QTMAN: variants seen among roughly 807,000 people sequenced by gnomAD.
The protein encoded by QTMAN is queuosine-tRNA mannosyltransferase, also known as tRNA-queuosine alpha-mannosyltransferase.
chr2:144,187,461 A>T, the QTMAN span, among the ~76,000 whole-genome samples: 2 of 152,290 alleles, frequency 1.3e-5, no homozygotes, highest in South Asian at 4.1e-4. Flanking sequence ...TGAGCCATCC[A>T]GCCCCATGAC....
the QTMAN span, among the ~76,000 whole-genome samples, chr2:144,030,170 A>T: frequency 1.3e-5 from 2 of 152,188 alleles, no homozygotes; most frequent in South Asian, 4.1e-4. Context: ...AGGTGAAAGT[A>T]TTAATCTTAC....
the QTMAN span, among the ~76,000 whole-genome samples, chr2:143,996,081 G>GTAGGT: frequency 6.6e-6 from 1 of 152,068 alleles, no homozygotes; most frequent in East Asian, 1.9e-4. Context: ...ATCCACTAAG[G>GTAGGT]TAGGTTCACT....
the QTMAN span, among the ~76,000 whole-genome samples, chr2:144,286,749 G>C: frequency 6.6e-6 from 1 of 152,100 alleles, no homozygotes; most frequent in African/African-American, 2.4e-5. Flanking sequence ...AAATGTGGGG[G>C]ACAACTCCAC....
the QTMAN span, among the ~76,000 whole-genome samples, chr2:144,089,809 C>T: frequency 6.6e-6 from 1 of 151,654 alleles, no homozygotes; most frequent in Non-Finnish European, 1.5e-5. Flanking sequence ...AAGTGGGTTA[C>T]AGAGTACAAA....
chr2:144,213,580 G>C, the QTMAN span, among the ~76,000 whole-genome samples: 2 of 152,104 alleles, frequency 1.3e-5, no homozygotes, highest in Admixed American at 1.3e-4. Flanking sequence ...ACACCTTTCT[G>C]TTATTAGTTA....
chr2:144,000,991 T>G, the QTMAN span, among the ~76,000 whole-genome samples: 6 of 151,966 alleles, frequency 3.9e-5, no homozygotes, highest in Non-Finnish European at 8.8e-5. Context: ...AGTATTCTAT[T>G]ATAAGGTAAT....
chr2:143,946,503 A>G, the QTMAN span: 2 of 152,796 alleles, frequency 1.3e-5, no homozygotes, highest in African/African-American at 4.8e-5. Flanking sequence ...TGGCTGCCCA[A>G]TTAATCCCAA....
the QTMAN span, among the ~76,000 whole-genome samples, chr2:144,015,784 A>T: frequency 6.6e-6 from 1 of 152,178 alleles, no homozygotes; most frequent in African/African-American, 2.4e-5. Context: ...GGTTATGTTG[A>T]AGTGGTGAGA....
chr2:144,136,620 T>C, the QTMAN span, among the ~76,000 whole-genome samples: 1 of 152,066 alleles, frequency 6.6e-6, no homozygotes, highest in Non-Finnish European at 1.5e-5. Flanking sequence ...GACAATTACA[T>C]GACCTAAAGT....
the QTMAN span, among the ~76,000 whole-genome samples, chr2:144,138,030 T>C: frequency 6.6e-6 from 1 of 152,084 alleles, no homozygotes; most frequent in African/African-American, 2.4e-5. Flanking sequence ...CACTTCAATC[T>C]TGGGCTCTTC....
the QTMAN span, among the ~76,000 whole-genome samples, chr2:144,253,775 A>T: frequency 1.3e-5 from 2 of 151,982 alleles, no homozygotes; most frequent in African/African-American, 4.8e-5. Context: ...AAAAAAAAAC[A>T]TTTTCTAGGG....
the QTMAN span, among the ~76,000 whole-genome samples, chr2:144,156,171 T>C: frequency 6.6e-6 from 1 of 152,150 alleles, no homozygotes; most frequent in East Asian, 1.9e-4. Context: ...AGAAATTATG[T>C]CTGTGTTTTG....
the QTMAN span, among the ~76,000 whole-genome samples, chr2:144,221,130 A>G: frequency 6.6e-6 from 1 of 152,338 alleles, no homozygotes; most frequent in South Asian, 2.1e-4. Flanking sequence ...CATGTCTCCA[A>G]AATGTAGACT....
At chr2:143,949,275 TTC>T in the QTMAN span, among the ~76,000 whole-genome samples, 1 of 151,994 alleles carries the variant, frequency 6.6e-6, no homozygotes, top group Non-Finnish European at 1.5e-5. Context: ...AAAAAGTAAA[TTC>T]TGTTTCTGCT....
the QTMAN span, among the ~76,000 whole-genome samples, chr2:144,179,976 T>C: frequency 6.6e-6 from 1 of 152,210 alleles, no homozygotes; most frequent in Admixed American, 6.6e-5. Context: ...TATGTTTCTT[T>C]GGGAAAATAA....
the QTMAN span, among the ~76,000 whole-genome samples, chr2:143,986,501 A>G: frequency 1.3e-5 from 2 of 152,210 alleles, no homozygotes; most frequent in Non-Finnish European, 2.9e-5. Context: ...AGGAAAGTCA[A>G]TTGTTCACCA....
chr2:144,181,206 C>G, the QTMAN span, among the ~76,000 whole-genome samples: 3 of 152,186 alleles, frequency 2.0e-5, no homozygotes, highest in Admixed American at 1.3e-4. Flanking sequence ...AGGAGTCCAG[C>G]TTATGTTGTG....
At chr2:143,959,900 T>C in the QTMAN span, among the ~76,000 whole-genome samples, 1 of 152,100 alleles carries the variant, frequency 6.6e-6, no homozygotes. Context: ...TTGTGCAGTG[T>C]GCTATATTAT....
chr2:144,158,321 CA>C, the QTMAN span, among the ~76,000 whole-genome samples: 1 of 151,804 alleles, frequency 6.6e-6, no homozygotes, highest in South Asian at 2.1e-4. Flanking sequence ...TGGAAGAGAC[CA>C]AAATGTGTCA....
Sources: gnomAD v4.1 joint callset for allele counts (sites outside exome capture counted in the v4.1 genomes callset) on GRCh38, gnomAD v4.1.1 for gene constraint, MANE v1.5 for transcripts, NCBI Gene and HGNC (gene_info 2026-07-23, HGNC 2026-07-21) for gene names.